The following ASTN2 variants were observed in gnomAD, a reference collection of about 807,000 sequenced individuals.
The protein encoded by ASTN2 is astrotactin-2.
Under a neutral mutation model 139.8 loss-of-function variants are expected in ASTN2, and 54 were observed. The ratio of observed to expected loss-of-function variants is 0.39; its 90% CI spans 0.31 to 0.48. ASTN2 has a LOEUF of 0.48. Ranked by LOEUF, ASTN2 falls within the 20% of genes least tolerant of loss-of-function variation. ASTN2 has a pLI of 0.95. For missense variants in ASTN2, 1,565 were observed against 1,725.1 expected, an observed-to-expected ratio of 0.91 and a Z score of 1.64; for synonymous variants, 756 against 719.5, an observed-to-expected ratio of 1.05 and a Z score of -0.81.
At chr9:117,294,266 T>C (rs1239659611) in intron 1 of ASTN2, among the ~76,000 whole-genome samples, 1 of 152,260 alleles carries the variant, frequency 6.6e-6, no homozygotes, top group Non-Finnish European at 1.5e-5. Context: ...TAGATTGAGC[T>C]CTTTGTTTGC....
chr9:116,450,801 T>A (rs574349779), intron 20 of ASTN2, among the ~76,000 whole-genome samples: 2 of 152,298 alleles, frequency 1.3e-5, no homozygotes, highest in Admixed American at 1.3e-4. Flanking sequence ...AACCCAACTT[T>A]CCTGTCTCCC....
chr9:116,502,215 C>T (rs983382732), intron 19 of ASTN2, among the ~76,000 whole-genome samples: 7 of 150,990 alleles, frequency 4.6e-5, no homozygotes, highest in African/African-American at 9.7e-5. Flanking sequence ...GACAGAGAGG[C>T]AGAGAGACAT....
At chr9:116,575,236 T>C (rs762813808) in intron 19 of ASTN2, among the ~76,000 whole-genome samples, 51 of 151,986 alleles carry the variant, frequency 3.4e-4, no homozygotes, top group Non-Finnish European at 4.7e-4. Context: ...ATGTTTTTAA[T>C]AATTATAAAA....
intron 10 of ASTN2, among the ~76,000 whole-genome samples, chr9:116,907,857 C>T (rs915920823): frequency 1.3e-5 from 2 of 152,086 alleles, no homozygotes; most frequent in African/African-American, 4.8e-5. Flanking sequence ...GCCTCAAATT[C>T]CCCCTAGTAA....
At chr9:117,404,966 A>C (rs1453001628) in intron 1 of ASTN2, among the ~76,000 whole-genome samples, 2 of 152,154 alleles carry the variant, frequency 1.3e-5, no homozygotes, top group Non-Finnish European at 2.9e-5. Flanking sequence ...TTGCTTGTCA[A>C]GTGGGTCCAG....
chr9:116,616,932 G>A (rs757771550), intron 19 of ASTN2, among the ~76,000 whole-genome samples: 260 of 152,224 alleles, frequency 1.7e-3, no homozygotes, highest in Middle Eastern at 3.4e-3. Context: ...ACAGTCTTGC[G>A]CAAACACATA....
chr9:117,101,389 C>T (rs538024845), intron 4 of ASTN2, among the ~76,000 whole-genome samples: 63 of 152,244 alleles, frequency 4.1e-4, no homozygotes, highest in African/African-American at 1.3e-3. Context: ...AGGGCTGCTC[C>T]CGTACTTCCA....
At chr9:117,354,946 C>T (rs1026163398) in intron 1 of ASTN2, among the ~76,000 whole-genome samples, 3 of 152,190 alleles carry the variant, frequency 2.0e-5, no homozygotes, top group Non-Finnish European at 4.4e-5. Flanking sequence ...CTAAACACAT[C>T]TATACTATTT....
chr9:116,864,797 C>G (rs1437041158), intron 10 of ASTN2, among the ~76,000 whole-genome samples: 1 of 152,108 alleles, frequency 6.6e-6, no homozygotes, highest in Non-Finnish European at 1.5e-5. Context: ...ATACCTTCTC[C>G]CATTCTTCTC....
At chr9:116,654,743 ATATTT>A (rs1255385046) in intron 16 of ASTN2, among the ~76,000 whole-genome samples, 1 of 152,234 alleles carries the variant, frequency 6.6e-6, no homozygotes, top group Non-Finnish European at 1.5e-5. Flanking sequence ...ATGTTATCTC[ATATTT>A]TAAAGCACAG....
chr9:116,800,035 G>T, intron 13 of ASTN2, among the ~76,000 whole-genome samples: 1 of 152,096 alleles, frequency 6.6e-6, no homozygotes, highest in East Asian at 1.9e-4. Flanking sequence ...GTCTCTCTCA[G>T]CACCATCCAG....
At chr9:117,093,393 GAA>G (rs1828755167) in intron 5 of ASTN2, among the ~76,000 whole-genome samples, 1 of 152,102 alleles carries the variant, frequency 6.6e-6, no homozygotes, top group Non-Finnish European at 1.5e-5. Flanking sequence ...ACAACTTAGG[GAA>G]TTGATGCACA....
intron 4 of ASTN2, among the ~76,000 whole-genome samples, chr9:117,129,538 G>A (rs1368115215): frequency 6.6e-6 from 1 of 152,090 alleles, no homozygotes; most frequent in Non-Finnish European, 1.5e-5. Flanking sequence ...TAATTTTTGA[G>A]GGCAGAATTT....
intron 16 of ASTN2, among the ~76,000 whole-genome samples, chr9:116,705,250 A>G (rs116094628): frequency 0.011 from 1,693 of 152,302 alleles, 30 homozygotes; most frequent in African/African-American, 0.039. Flanking sequence ...GATGATGGAT[A>G]TATAAATGCC....
intron 16 of ASTN2, among the ~76,000 whole-genome samples, chr9:116,714,377 A>C (rs1312991627): frequency 6.6e-6 from 1 of 152,206 alleles, no homozygotes; most frequent in Non-Finnish European, 1.5e-5. Context: ...AGGCTGTATC[A>C]TTATGCCTTT....
At chr9:117,014,290 T>A (rs1837616067) in intron 6 of ASTN2, among the ~76,000 whole-genome samples, 1 of 152,086 alleles carries the variant, frequency 6.6e-6, no homozygotes, top group Admixed American at 6.6e-5. Flanking sequence ...CCACCTACCA[T>A]CAACAGAAAA....
At chr9:117,401,845 T>A (rs111953966) in intron 1 of ASTN2, among the ~76,000 whole-genome samples, 8 of 152,194 alleles carry the variant, frequency 5.3e-5, no homozygotes, top group African/African-American at 1.9e-4. Context: ...TTTTGTCAAC[T>A]ATTTTTAAAA....
chr9:117,158,836 C>T (rs1035184358), intron 3 of ASTN2, among the ~76,000 whole-genome samples: 2 of 151,970 alleles, frequency 1.3e-5, no homozygotes, highest in East Asian at 1.9e-4. Context: ...CTTTGACCTA[C>T]CAGGTAAGTC....
intron 6 of ASTN2, among the ~76,000 whole-genome samples, chr9:117,026,961 G>A (rs1425954935): frequency 6.6e-6 from 1 of 152,156 alleles, no homozygotes; most frequent in African/African-American, 2.4e-5. Flanking sequence ...CAAAATATCA[G>A]AGGCAGGTAT....
Sources: gnomAD v4.1 joint callset for allele counts (sites outside exome capture counted in the v4.1 genomes callset) on GRCh38, gnomAD v4.1.1 for gene constraint, MANE v1.5 for transcripts, NCBI Gene and HGNC (gene_info 2026-07-23, HGNC 2026-07-21) for gene names.